C2CD3: variants seen among roughly 807,000 people sequenced by gnomAD.
The protein encoded by C2CD3 is C2 domain-containing protein 3.
C2CD3 carries 148 observed loss-of-function variants against 234.0 expected under a neutral mutation model. The observed-to-expected ratio is 0.63, with a 90% CI of 0.55 to 0.72. C2CD3 has a LOEUF of 0.72. C2CD3 is among the 30% of genes least tolerant of loss of function. The pLI, the probability that C2CD3 is intolerant of heterozygous loss-of-function variation, is 0.00. For synonymous variants in C2CD3, 1,000 were observed against 1,035.4 expected (o/e 0.97, Z 0.66); for missense variants, 2,577 against 2,811.5 (o/e 0.92, Z 1.89).
chr11:74,044,007 G>A lies in C2CD3; in HGVS notation c.5496-1789C>T, dbSNP rs549175726. On this transcript the variant is annotated intron_variant, in intron 28 of 32. Coordinates refer to ENST00000334126, the MANE Select transcript of C2CD3 (RefSeq NM_001286577.2). ...TCTGAGTAGTTTTTTAATTTTTTGT[G>A]GAGATGGGCTCTCACCATGTTGCCC... Among the ~76,000 whole-genome samples, 6 of 151,812 alleles carry A rather than the reference G, an allele frequency of 4.0e-5. No individual in the cohort carries two copies. In the South Asian group the frequency reaches 1.3e-3, roughly 32 times the overall value.
intron 7 of C2CD3, among the ~76,000 whole-genome samples, chr11:74,124,570 G>GA (rs926870793): frequency 2.0e-5 from 3 of 152,016 alleles, no homozygotes; most frequent in South Asian, 2.1e-4. Flanking sequence ...TTGGGGTGGG[G>GA]AAAAATCACC....
intron 31 of C2CD3, among the ~76,000 whole-genome samples, chr11:74,029,119 G>C (rs7120494): frequency 2.0e-5 from 3 of 152,066 alleles, no homozygotes; most frequent in Admixed American, 6.5e-5. Flanking sequence ...CTTCTCCTCC[G>C]TATCTTCTTG....
chr11:74,064,537 C>G (rs1380183460), intron 24 of C2CD3, among the ~76,000 whole-genome samples: 1 of 152,206 alleles, frequency 6.6e-6, no homozygotes, highest in African/African-American at 2.4e-5. Context: ...CATCAAGCTA[C>G]CAATGACTTT....
chr11:74,036,754 G>A (rs1190050197), intron 30 of C2CD3, among the ~76,000 whole-genome samples: 3 of 152,182 alleles, frequency 2.0e-5, no homozygotes, highest in African/African-American at 7.2e-5. Context: ...CACAGTAAGT[G>A]CCCCGGGTGA....
In C2CD3 at chr11:74,142,619, G is replaced by A. The variant is rs572826624; in HGVS notation, c.484-2791C>T. ...AAGGAGTGCCAGGGATGATTTCCAG[G>A]AGTGAAATACAAACATTTGAGCTTA... On this transcript the variant is annotated intron_variant, in intron 3 of 32. Coordinates refer to ENST00000334126, the MANE Select transcript of C2CD3 (RefSeq NM_001286577.2). 6.6e-5 allele frequency among the ~76,000 whole-genome samples: 10 copies of A among 152,250 alleles called. No homozygotes were observed. The South Asian group carries it at 2.1e-3, about 32-fold the overall frequency.
At chr11:74,087,710 C>A (rs1955703981) in intron 20 of C2CD3, among the ~76,000 whole-genome samples, 1 of 152,132 alleles carries the variant, frequency 6.6e-6, no homozygotes, top group African/African-American at 2.4e-5. Context: ...GGCAGAAAGG[C>A]TTGGGCCCCA....
intron 8 of C2CD3, among the ~76,000 whole-genome samples, chr11:74,119,500 C>T (rs1957141346): frequency 6.6e-6 from 1 of 152,010 alleles, no homozygotes; most frequent in Non-Finnish European, 1.5e-5. Flanking sequence ...GACACAAACC[C>T]AAAGTTATTT....
At chr11:74,155,729 C>T (rs1307635589) in intron 3 of C2CD3, among the ~76,000 whole-genome samples, 2 of 152,012 alleles carry the variant, frequency 1.3e-5, no homozygotes, top group African/African-American at 2.4e-5. Flanking sequence ...TTGTCAAGGG[C>T]GGGGGCAGAG....
chr11:74,076,162 C>T (rs1468942413), intron 23 of C2CD3, among the ~76,000 whole-genome samples: 1 of 152,168 alleles, frequency 6.6e-6, no homozygotes, highest in Admixed American at 6.6e-5. Context: ...TTTGAAGGGA[C>T]TCTAGGCCTG....
At chr11:74,035,412 G>C (rs1476457102) in intron 30 of C2CD3, among the ~76,000 whole-genome samples, 1 of 152,212 alleles carries the variant, frequency 6.6e-6, no homozygotes, top group African/African-American at 2.4e-5. Context: ...GGCCTTCCCA[G>C]ATTCACGAGT....
At chr11:74,151,587 A>C (rs1013267754) in intron 3 of C2CD3, among the ~76,000 whole-genome samples, 1 of 152,170 alleles carries the variant, frequency 6.6e-6, no homozygotes, top group African/African-American at 2.4e-5. Flanking sequence ...TTGGCCTCCC[A>C]AAGTGCTAGG....
chr11:74,134,897 T>C (rs1047505411), intron 5 of C2CD3, among the ~76,000 whole-genome samples: 1 of 152,150 alleles, frequency 6.6e-6, no homozygotes, highest in African/African-American at 2.4e-5. Context: ...GCTTATTTTT[T>C]ATTTTTTTGT....
intron 24 of C2CD3, among the ~76,000 whole-genome samples, chr11:74,069,896 C>T (rs183261300): frequency 3.5e-4 from 54 of 152,284 alleles, no homozygotes; most frequent in African/African-American, 1.2e-3. Flanking sequence ...CAAGGTGAGT[C>T]AGATTTGATT....
chr11:74,150,261 C>T (rs1271627043), intron 3 of C2CD3, among the ~76,000 whole-genome samples: 2 of 150,998 alleles, frequency 1.3e-5, no homozygotes, highest in Non-Finnish European at 3.0e-5. Context: ...TGGATCACTT[C>T]AAGCCAGGAG....
chr11:74,094,118 G>T, intron 17 of C2CD3, 119 bp from the exon 18 acceptor site: 1 of 740,090 alleles, frequency 1.4e-6, no homozygotes, highest in Non-Finnish European at 2.1e-6. Context: ...GTTCCCTAAG[G>T]TCCCATGATA....
At position 74,106,565 on chromosome 11, in the gene C2CD3, A is replaced by C. The variant is rs1956528479; in HGVS notation, c.1963-72T>G. 1.0e-5 allele frequency: 14 copies of C among 1,394,820 alleles called. No homozygotes were observed. In the South Asian group the frequency reaches 1.5e-4, roughly 15 times the overall value. The allele number at this position is 1,394,820 out of a possible 1,614,324, so 86.4% of individuals were successfully genotyped here. A position where few individuals can be genotyped will look rare whatever the true frequency, so the allele number is the denominator to read the frequency against. ...ACAGGTGATCTTAATTAAAGTGACA[A>C]CATATGATGGCTTATAAAGGAAACC... On this transcript the variant is annotated intron_variant, in intron 12 of 32. Transcript: ENST00000334126.
intron 3 of C2CD3, among the ~76,000 whole-genome samples, chr11:74,145,598 T>G (rs1855128115): frequency 6.6e-6 from 1 of 152,300 alleles, no homozygotes; most frequent in South Asian, 2.1e-4. Flanking sequence ...GCAATTGCTT[T>G]TGTTGTTTTC....
chr11:74,042,356 T>C (rs899959095), intron 28 of C2CD3, 138 bp from the exon 29 acceptor site: 8 of 853,784 alleles, frequency 9.4e-6, no homozygotes, highest in African/African-American at 1.7e-5. Context: ...TCTGGCCTTA[T>C]CATCTCTTGC....
At chr11:74,071,280 T>C (rs1366367224) in intron 24 of C2CD3, among the ~76,000 whole-genome samples, 1 of 152,196 alleles carries the variant, frequency 6.6e-6, no homozygotes, top group Non-Finnish European at 1.5e-5. Flanking sequence ...CCTCTTTCTG[T>C]TTAGCCAGGT....
Sources: allele counts gnomAD v4.1 joint callset (sites outside exome capture counted in the v4.1 genomes callset), GRCh38; gene constraint gnomAD v4.1.1; transcripts MANE v1.5; gene names NCBI Gene and HGNC (gene_info 2026-07-23, HGNC 2026-07-21).